MAF: variants seen among roughly 807,000 people sequenced by gnomAD.
MAF encodes the protein transcription factor Maf.
In MAF, 10 loss-of-function variants were observed where a neutral mutation model predicts 22.0. That is an observed-to-expected ratio of 0.45 (90% CI 0.28 to 0.77). The LOEUF is 0.77. Among genes scored for constraint, MAF ranks in the 30% least tolerant of loss-of-function variants. The probability of loss-of-function intolerance (pLI) is 0.12; values close to 1 mark genes in which losing one functional copy is unlikely to be tolerated. For missense variants in MAF, 544 were observed against 548.4 expected (o/e 0.99, Z 0.08); for synonymous variants, 337 against 255.8 (o/e 1.32, Z -3.03).
At chr16:79,342,031 C>A in the MAF span, among the ~76,000 whole-genome samples, 2 of 152,362 alleles carry the variant, frequency 1.3e-5, no homozygotes. Flanking sequence ...CACCTACACA[C>A]TGATTATAGA....
intron 1 of MAF, chr16:79,598,302 C>T (rs1248818705): frequency 3.7e-6 from 4 of 1,091,974 alleles, no homozygotes; most frequent in Non-Finnish European, 4.5e-6. Context: ...CACACACACA[C>T]ACAGAAAATG....
the MAF span, among the ~76,000 whole-genome samples, chr16:79,240,791 A>G: frequency 6.6e-6 from 1 of 151,900 alleles, no homozygotes; most frequent in Non-Finnish European, 1.5e-5. Context: ...CTCATACAAG[A>G]GAGCTTCGGC....
chr16:79,502,775 A>T, the MAF span, among the ~76,000 whole-genome samples: 1 of 135,478 alleles, frequency 7.4e-6, no homozygotes, highest in Admixed American at 7.5e-5. Context: ...TAGCTCAATG[A>T]GGGTTTGCCT....
the MAF span, among the ~76,000 whole-genome samples, chr16:79,397,600 C>T: frequency 9.9e-5 from 15 of 152,234 alleles, no homozygotes; most frequent in South Asian, 2.1e-4. Flanking sequence ...TGGATGTAAC[C>T]GGCTGGTTGC....
chr16:79,385,716 C>G, the MAF span, among the ~76,000 whole-genome samples: 1 of 152,024 alleles, frequency 6.6e-6, no homozygotes, highest in African/African-American at 2.4e-5. Flanking sequence ...GCCTGGCCAA[C>G]ATGGCAAAAC....
chr16:79,488,163 G>C, the MAF span, among the ~76,000 whole-genome samples: 1 of 152,332 alleles, frequency 6.6e-6, no homozygotes, highest in South Asian at 2.1e-4. Context: ...TGAGTTAGAA[G>C]AGCACGCAGA....
the MAF span, among the ~76,000 whole-genome samples, chr16:79,287,806 C>T: frequency 6.6e-6 from 1 of 152,140 alleles, no homozygotes; most frequent in Non-Finnish European, 1.5e-5. Context: ...TTCATTCACT[C>T]ACTCATTCAT....
chr16:79,312,232 T>C, the MAF span, among the ~76,000 whole-genome samples: 1 of 152,196 alleles, frequency 6.6e-6, no homozygotes, highest in Non-Finnish European at 1.5e-5. Flanking sequence ...TGAAGCCAAC[T>C]GTCCCTGTCT....
the MAF span, among the ~76,000 whole-genome samples, chr16:79,524,964 T>A: frequency 6.6e-6 from 1 of 152,202 alleles, no homozygotes; most frequent in East Asian, 1.9e-4. Flanking sequence ...TAGGTTACTT[T>A]AAGGTGACAA....
At chr16:79,463,491 T>C in the MAF span, among the ~76,000 whole-genome samples, 1 of 152,208 alleles carries the variant, frequency 6.6e-6, no homozygotes, top group African/African-American at 2.4e-5. Flanking sequence ...ACCTGTGCTA[T>C]AGATGACAAC....
chr16:79,363,027 G>T, the MAF span, among the ~76,000 whole-genome samples: 1 of 152,136 alleles, frequency 6.6e-6, no homozygotes. Flanking sequence ...TTCAGCTTCA[G>T]AAACTGCCCT....
the MAF span, among the ~76,000 whole-genome samples, chr16:79,338,230 T>C: frequency 0.052 from 7,970 of 152,172 alleles, 385 homozygotes; most frequent in East Asian, 0.19. Flanking sequence ...TGTGGAAGAA[T>C]TGCAGGTCTT....
chr16:79,251,873 G>A, the MAF span, among the ~76,000 whole-genome samples: 2 of 152,182 alleles, frequency 1.3e-5, no homozygotes, highest in Non-Finnish European at 2.9e-5. Flanking sequence ...TGTAAGAAAA[G>A]CCTTGATATT....
At chr16:79,598,046 T>C (rs1474279698) in intron 1 of MAF, 2 of 1,039,494 alleles carry the variant, frequency 1.9e-6, no homozygotes, top group East Asian at 5.7e-5. Flanking sequence ...AGCATAACAA[T>C]GCTAAAAAAA....
the MAF span, among the ~76,000 whole-genome samples, chr16:79,319,842 A>C: frequency 6.6e-6 from 1 of 152,182 alleles, no homozygotes; most frequent in Admixed American, 6.5e-5. Context: ...GAAATACATC[A>C]TTTTGGCTGG....
the MAF span, among the ~76,000 whole-genome samples, chr16:79,368,309 T>G: frequency 6.6e-6 from 1 of 152,078 alleles, no homozygotes; most frequent in Non-Finnish European, 1.5e-5. Flanking sequence ...AAATCATCCA[T>G]AAGAGAAGGT....
At chr16:79,542,530 G>C in the MAF span, among the ~76,000 whole-genome samples, 1 of 152,162 alleles carries the variant, frequency 6.6e-6, no homozygotes, top group African/African-American at 2.4e-5. Context: ...GAGGCCCTTG[G>C]ATAACAAAAG....
At chr16:79,385,400 T>A in the MAF span, among the ~76,000 whole-genome samples, 3 of 152,258 alleles carry the variant, frequency 2.0e-5, no homozygotes, top group African/African-American at 7.2e-5. Flanking sequence ...TCATTTTTTA[T>A]GCATAAAATT....
At chr16:79,344,388 G>A in the MAF span, among the ~76,000 whole-genome samples, 1 of 152,150 alleles carries the variant, frequency 6.6e-6, no homozygotes, top group South Asian at 2.1e-4. Flanking sequence ...AAATCTCTTG[G>A]GGTCCTAGTT....
Sources: allele counts gnomAD v4.1 joint callset (sites outside exome capture counted in the v4.1 genomes callset), GRCh38; gene constraint gnomAD v4.1.1; transcripts MANE v1.5; gene names NCBI Gene and HGNC (gene_info 2026-07-23, HGNC 2026-07-21).